ST3GAL3: variants seen among roughly 807,000 people sequenced by gnomAD.
ST3GAL3 encodes the protein CMP-N-acetylneuraminate-beta-1,4-galactoside alpha-2,3-sialyltransferase.
A neutral mutation model predicts 50.1 loss-of-function variants in ST3GAL3; 21 were observed. The ratio of observed to expected loss-of-function variants is 0.42; its 90% CI spans 0.30 to 0.60. ST3GAL3 has a LOEUF of 0.60. Among genes scored for constraint, ST3GAL3 ranks in the 20% least tolerant of loss-of-function variants. The pLI is 0.19. For missense variants in ST3GAL3, 353 were observed against 489.4 expected (o/e 0.72, Z 2.63); for synonymous variants, 183 against 190.0 (o/e 0.96, Z 0.30).
At chr1:43,733,376 C>G (rs893577325) in intron 1 of ST3GAL3, among the ~76,000 whole-genome samples, 1 of 152,232 alleles carries the variant, frequency 6.6e-6, no homozygotes, top group South Asian at 2.1e-4. Context: ...ATCCTATTCC[C>G]TACAGGTAAG....
Position 43,811,810 on chromosome 1 carries a change from A to G in ST3GAL3, c.167-3081A>G, listed in dbSNP as rs1214198706. On this transcript the variant is annotated intron_variant, in intron 3 of 11. Transcript: ENST00000347631. Reference sequence around the variant, plus strand: ...AGGCTGGAGTGAGAGACAGGTACCCATCCTGCCCTGTTCATAACACAGCTC... The same window carrying G: ...AGGCTGGAGTGAGAGACAGGTACCCGTCCTGCCCTGTTCATAACACAGCTC... 1.5e-4 allele frequency among the ~76,000 whole-genome samples: 23 copies of G among 152,108 alleles called. 2 individuals carry two copies. The highest frequency in any genetic ancestry group is 1.5e-3 in the Admixed American group (23 of 15,274).
intron 4 of ST3GAL3, among the ~76,000 whole-genome samples, chr1:43,827,401 A>G (rs1400580409): frequency 6.6e-6 from 1 of 152,240 alleles, no homozygotes; most frequent in Admixed American, 6.5e-5. Flanking sequence ...GTTTGTGCAT[A>G]GATCCATATA....
At chr1:43,864,970 A>G in intron 5 of ST3GAL3, among the ~76,000 whole-genome samples, 1 of 149,866 alleles carries the variant, frequency 6.7e-6, no homozygotes, top group Non-Finnish European at 1.5e-5. Context: ...CCTTTAAGGG[A>G]TTTTTTTTTC....
intron 9 of ST3GAL3, among the ~76,000 whole-genome samples, chr1:43,904,979 C>A (rs1256628569): frequency 8.7e-6 from 1 of 115,260 alleles, no homozygotes; most frequent in Non-Finnish European, 1.8e-5. Context: ...TGCTCCTCTT[C>A]CCACCACTCT....
intron 9 of ST3GAL3, chr1:43,912,370 G>T (rs1415451942): frequency 6.6e-6 from 1 of 152,122 alleles, no homozygotes; most frequent in Non-Finnish European, 1.5e-5. Context: ...TTGCTTAGGG[G>T]TACAGAGTTA....
intron 9 of ST3GAL3, among the ~76,000 whole-genome samples, chr1:43,917,676 TA>T (rs1266120348): frequency 9.3e-6 from 1 of 107,554 alleles, no homozygotes; most frequent in Non-Finnish European, 1.8e-5. Context: ...ATATTATATA[TA>T]TATATATTTT....
At chr1:43,754,316 C>T (rs938559441) in intron 2 of ST3GAL3, among the ~76,000 whole-genome samples, 2 of 152,154 alleles carry the variant, frequency 1.3e-5, no homozygotes, top group African/African-American at 4.8e-5. Flanking sequence ...CCTCAGCCTC[C>T]CGAGTAGCTG....
chr1:43,726,802 C>T (rs1275844844), intron 1 of ST3GAL3, among the ~76,000 whole-genome samples: 1 of 152,156 alleles, frequency 6.6e-6, no homozygotes, highest in African/African-American at 2.4e-5. Context: ...CCATGTTGGC[C>T]AGGCTGGTCT....
At chr1:43,822,234 A>G (rs1172179566) in intron 4 of ST3GAL3, among the ~76,000 whole-genome samples, 1 of 152,242 alleles carries the variant, frequency 6.6e-6, no homozygotes, top group African/African-American at 2.4e-5. Context: ...GAGATGAGTC[A>G]TCTGGATTCC....
At chr1:43,847,371 G>A (rs575171543) in intron 5 of ST3GAL3, among the ~76,000 whole-genome samples, 4 of 152,212 alleles carry the variant, frequency 2.6e-5, no homozygotes, top group Non-Finnish European at 5.9e-5. Context: ...TTGCCAAAAA[G>A]TAGAAGCAAC....
At chr1:43,926,557 A>G (rs1011192589) in intron 11 of ST3GAL3, among the ~76,000 whole-genome samples, 46 of 143,142 alleles carry the variant, frequency 3.2e-4, no homozygotes, top group Non-Finnish European at 7.9e-5. Flanking sequence ...GTGAGCCGAG[A>G]TTGCACCATT....
At chr1:43,740,087 G>A (rs1680176110) in intron 2 of ST3GAL3, among the ~76,000 whole-genome samples, 1 of 152,024 alleles carries the variant, frequency 6.6e-6, no homozygotes, top group South Asian at 2.1e-4. Context: ...TTCTTGGCCG[G>A]ACACAGTGGC....
At chr1:43,788,146 A>G (rs1423667458) in intron 2 of ST3GAL3, among the ~76,000 whole-genome samples, 3 of 152,242 alleles carry the variant, frequency 2.0e-5, no homozygotes, top group Non-Finnish European at 4.4e-5. Context: ...AAGCATTACT[A>G]TAATTCTGCC....
intron 2 of ST3GAL3, among the ~76,000 whole-genome samples, chr1:43,764,864 A>G (rs1233042257): frequency 1.3e-5 from 2 of 152,210 alleles, no homozygotes; most frequent in Admixed American, 1.3e-4. Context: ...GCTGGGGAAT[A>G]AGCCCTTTAG....
intron 9 of ST3GAL3, among the ~76,000 whole-genome samples, chr1:43,900,193 T>C (rs2078051519): frequency 6.6e-6 from 1 of 152,236 alleles, no homozygotes; most frequent in Non-Finnish European, 1.5e-5. Context: ...CCTGCCCTCT[T>C]TCTCAGCCTG....
At chr1:43,715,301 C>T (rs969592771) in intron 1 of ST3GAL3, among the ~76,000 whole-genome samples, 8 of 152,024 alleles carry the variant, frequency 5.3e-5, no homozygotes, top group Admixed American at 3.3e-4. Flanking sequence ...TGGCTGTGCG[C>T]GGTGGCTCAC....
chr1:43,813,636 G>A (rs1485248999), intron 3 of ST3GAL3, among the ~76,000 whole-genome samples: 1 of 152,244 alleles, frequency 6.6e-6, no homozygotes, highest in Admixed American at 6.5e-5. Context: ...AAAGCAATGA[G>A]TCTGGCCTTA....
chr1:43,726,951 C>T (rs530881046), intron 1 of ST3GAL3, among the ~76,000 whole-genome samples: 1 of 152,286 alleles, frequency 6.6e-6, no homozygotes, highest in Non-Finnish European at 1.5e-5. Context: ...ATTGATGTTT[C>T]TTGGGTGAAT....
intron 2 of ST3GAL3, chr1:43,743,589 G>T: frequency 2.7e-6 from 1 of 365,092 alleles, no homozygotes; most frequent in South Asian, 2.2e-5. Context: ...GAGAGGGTCT[G>T]TCAGTGAGGC....
Sources: gnomAD v4.1 joint callset for allele counts (sites outside exome capture counted in the v4.1 genomes callset) on GRCh38, gnomAD v4.1.1 for gene constraint, MANE v1.5 for transcripts, NCBI Gene and HGNC (gene_info 2026-07-23, HGNC 2026-07-21) for gene names.